Variants in GLIS3 observed in about 807,000 individuals in gnomAD.
GLIS3 encodes GLIS family zinc finger 3.
A neutral mutation model predicts 78.6 loss-of-function variants in GLIS3; 53 were observed. That is an observed-to-expected ratio of 0.67 (90% CI 0.54 to 0.85). The LOEUF is 0.85. Ranked by LOEUF, GLIS3 falls within the 40% of genes least tolerant of loss-of-function variation. The pLI, the probability that GLIS3 is intolerant of heterozygous loss-of-function variation, is 0.00. For synonymous variants in GLIS3, 684 were observed against 509.9 expected (o/e 1.34, Z -4.60); for missense variants, 1,703 against 1,231.1 (o/e 1.38, Z -5.74).
At chr9:3,830,881 C>G (rs1563756207) in intron 9 of GLIS3, among the ~76,000 whole-genome samples, 1 of 152,254 alleles carries the variant, frequency 6.6e-6, no homozygotes, top group African/African-American at 2.4e-5. Flanking sequence ...TGCTCTCAAC[C>G]CTTCTCATTT....
At chr9:3,844,230 G>T (rs1331434451) in intron 9 of GLIS3, among the ~76,000 whole-genome samples, 1 of 152,172 alleles carries the variant, frequency 6.6e-6, no homozygotes, top group South Asian at 2.1e-4. Flanking sequence ...GTTCACTGAT[G>T]TATTTTAAGG....
intron 2 of GLIS3, among the ~76,000 whole-genome samples, chr9:4,314,545 A>T (rs1192198842): frequency 6.6e-6 from 1 of 152,268 alleles, no homozygotes; most frequent in African/African-American, 2.4e-5. Flanking sequence ...AAAGAAAGAA[A>T]GTAAGGGATC....
At chr9:4,328,154 G>A (rs1294662622) in intron 2 of GLIS3, among the ~76,000 whole-genome samples, 3 of 152,194 alleles carry the variant, frequency 2.0e-5, no homozygotes, top group Admixed American at 6.5e-5. Context: ...TCCAGTGCCA[G>A]TAAGTCATGT....
chr9:4,203,014 A>T (rs1339792026), intron 2 of GLIS3, among the ~76,000 whole-genome samples: 1 of 152,258 alleles, frequency 6.6e-6, no homozygotes, highest in African/African-American at 2.4e-5. Flanking sequence ...GGCAAAAGAA[A>T]TTATCAGCAA....
chr9:4,363,969 G>A, the GLIS3 span, among the ~76,000 whole-genome samples: 2 of 152,172 alleles, frequency 1.3e-5, no homozygotes, highest in African/African-American at 2.4e-5. Context: ...GAGATTTCAA[G>A]AGTTCGCAAT....
intron 3 of GLIS3, chr9:4,123,549 A>G (rs751084664): frequency 3.7e-6 from 1 of 270,290 alleles, no homozygotes; most frequent in Middle Eastern, 1.1e-3. Flanking sequence ...TAAAATTATA[A>G]TTTTATTTAT....
the GLIS3 span, among the ~76,000 whole-genome samples, chr9:4,360,199 G>A: frequency 3.3e-5 from 5 of 152,104 alleles, no homozygotes; most frequent in Non-Finnish European, 5.9e-5. Flanking sequence ...TCACCCAACC[G>A]CCTGACCCAC....
chr9:4,186,249 T>G (rs142991269), intron 2 of GLIS3, among the ~76,000 whole-genome samples: 3 of 150,996 alleles, frequency 2.0e-5, no homozygotes, highest in Non-Finnish European at 4.4e-5. Context: ...ACATGCAGTG[T>G]TTGGCCTTTT....
the GLIS3 span, among the ~76,000 whole-genome samples, chr9:4,454,610 C>T: frequency 1.3e-5 from 2 of 152,234 alleles, no homozygotes; most frequent in East Asian, 3.9e-4. Flanking sequence ...TTATTTCACC[C>T]TTTCCAGCAT....
At chr9:4,144,679 C>T (rs1309221576) in intron 2 of GLIS3, among the ~76,000 whole-genome samples, 3 of 152,104 alleles carry the variant, frequency 2.0e-5, no homozygotes, top group African/African-American at 4.8e-5. Flanking sequence ...CAAAATCAAC[C>T]ATGAGTAGGG....
At chr9:4,228,215 AAAAG>A (rs1281510316) in intron 2 of GLIS3, among the ~76,000 whole-genome samples, 1 of 151,560 alleles carries the variant, frequency 6.6e-6, no homozygotes. Flanking sequence ...AAAAAAAAAA[AAAAG>A]AAGAAGATGG....
At chr9:4,297,163 G>C (rs1286618806) in intron 1 of GLIS3, among the ~76,000 whole-genome samples, 1 of 152,210 alleles carries the variant, frequency 6.6e-6, no homozygotes, top group Non-Finnish European at 1.5e-5. Flanking sequence ...GGTCCAGTGA[G>C]GAACAAGACA....
At chr9:3,948,376 C>T (rs1194394001) in intron 4 of GLIS3, among the ~76,000 whole-genome samples, 1 of 152,206 alleles carries the variant, frequency 6.6e-6, no homozygotes. Flanking sequence ...TCACTCATGG[C>T]TAAGAAACTG....
chr9:3,952,000 G>A lies in GLIS3; in HGVS notation c.1711-14811C>T, dbSNP rs898151137. On this transcript the variant is annotated intron_variant, in intron 4 of 10. Transcript: ENST00000381971. ...ACAATGACTGAACTTTTAGACAAGC[G>A]TGGTGAGAGAGAGAGGGGAAACCAG... 5.3e-5 allele frequency among the ~76,000 whole-genome samples: 8 copies of A among 151,964 alleles called. No homozygotes were observed. The South Asian group carries it at 6.2e-4, about 12-fold the overall frequency.
chr9:4,302,763 G>A (rs1817123533), upstream of GLIS3, among the ~76,000 whole-genome samples: 1 of 152,166 alleles, frequency 6.6e-6, no homozygotes, highest in Admixed American at 6.5e-5. Flanking sequence ...AAAACATATT[G>A]CAGGTGTATA....
chr9:3,831,451 G>T (rs1391961132), intron 9 of GLIS3, among the ~76,000 whole-genome samples: 1 of 152,192 alleles, frequency 6.6e-6, no homozygotes, highest in African/African-American at 2.4e-5. Context: ...CATTGGCAAA[G>T]ATTCCTAAAA....
chr9:4,451,667 T>A, the GLIS3 span, among the ~76,000 whole-genome samples: 1 of 152,114 alleles, frequency 6.6e-6, no homozygotes, highest in Non-Finnish European at 1.5e-5. Context: ...CACAGTGCCA[T>A]CAAATTAGAA....
chr9:4,486,536 A>T, the GLIS3 span, among the ~76,000 whole-genome samples: 6 of 152,216 alleles, frequency 3.9e-5, no homozygotes, highest in African/African-American at 1.4e-4. Flanking sequence ...GATAGTATAT[A>T]AACTTCTGGA....
the GLIS3 span, among the ~76,000 whole-genome samples, chr9:4,392,525 G>A: frequency 2.6e-5 from 4 of 152,182 alleles, no homozygotes; most frequent in African/African-American, 4.8e-5. Flanking sequence ...GGGGAAGGGA[G>A]ATTGAAGTCA....
Sources: allele counts gnomAD v4.1 joint callset (sites outside exome capture counted in the v4.1 genomes callset), GRCh38; gene constraint gnomAD v4.1.1; transcripts MANE v1.5; gene names NCBI Gene and HGNC (gene_info 2026-07-23, HGNC 2026-07-21).